DLGAP2: variants seen among roughly 807,000 people sequenced by gnomAD.
DLGAP2 encodes disks large-associated protein 2.
Under a neutral mutation model 100.3 loss-of-function variants are expected in DLGAP2, and 26 were observed. The observed-to-expected ratio is 0.26, with a 90% confidence interval of 0.19 to 0.36. The LOEUF is 0.36. Among genes scored for constraint, DLGAP2 ranks in the 10% least tolerant of loss-of-function variants. DLGAP2 has a pLI of 1.00. For synonymous variants in DLGAP2, 886 were observed against 630.1 expected (o/e 1.41, Z -6.08); for missense variants, 1,858 against 1,453.2 (o/e 1.28, Z -4.53).
At chr8:1,532,895 A>T (rs770014702) in intron 4 of DLGAP2, among the ~76,000 whole-genome samples, 1 of 152,172 alleles carries the variant, frequency 6.6e-6, no homozygotes, top group Non-Finnish European at 1.5e-5. Flanking sequence ...TAAAGTCCTC[A>T]TGAGCGTGGC....
At chr8:1,121,654 T>A (rs1796051361) in intron 2 of DLGAP2, among the ~76,000 whole-genome samples, 1 of 152,094 alleles carries the variant, frequency 6.6e-6, no homozygotes, top group Admixed American at 6.5e-5. Flanking sequence ...TCACCCATCC[T>A]CATGTCTTCA....
At chr8:1,356,572 TG>T (rs1430806658) in intron 3 of DLGAP2, among the ~76,000 whole-genome samples, 7 of 152,186 alleles carry the variant, frequency 4.6e-5, no homozygotes, top group Admixed American at 3.3e-4. Flanking sequence ...AGTTACCCTG[TG>T]GCCCCCCAGG....
intron 1 of DLGAP2, among the ~76,000 whole-genome samples, chr8:826,957 G>C (rs1796695205): frequency 6.6e-6 from 1 of 152,194 alleles, no homozygotes; most frequent in African/African-American, 2.4e-5. Flanking sequence ...AGGTGTTTCA[G>C]AACTACAGAA....
At chr8:825,380 G>A (rs1796667440) in intron 1 of DLGAP2, among the ~76,000 whole-genome samples, 1 of 152,140 alleles carries the variant, frequency 6.6e-6, no homozygotes, top group South Asian at 2.1e-4. Context: ...CTCTGTTGTG[G>A]GCTTTCCTGG....
chr8:1,493,487 C>T (rs1469164056), intron 3 of DLGAP2, among the ~76,000 whole-genome samples: 2 of 152,160 alleles, frequency 1.3e-5, no homozygotes, highest in Non-Finnish European at 2.9e-5. Context: ...AATGAAGCAA[C>T]GGAATGGGAC....
At chr8:941,653 C>G (rs1799198853) in intron 2 of DLGAP2, among the ~76,000 whole-genome samples, 1 of 152,200 alleles carries the variant, frequency 6.6e-6, no homozygotes, top group African/African-American at 2.4e-5. Context: ...CTGCCAGCCA[C>G]AGCGAAAAGC....
chr8:874,897 CAT>C (rs530932697), intron 1 of DLGAP2, among the ~76,000 whole-genome samples: 16 of 152,218 alleles, frequency 1.1e-4, no homozygotes, highest in South Asian at 8.3e-4. Context: ...TGTTAAGGTG[CAT>C]GTGTGTGTAT....
intron 8 of DLGAP2, among the ~76,000 whole-genome samples, chr8:1,651,111 C>G (rs17064159): frequency 0.12 from 17,976 of 152,152 alleles, 1,438 homozygotes; most frequent in African/African-American, 0.23. Context: ...TACCATCCAG[C>G]GTCCACATTC....
At chr8:1,500,845 G>T (rs1368159980) in intron 3 of DLGAP2, among the ~76,000 whole-genome samples, 1 of 152,262 alleles carries the variant, frequency 6.6e-6, no homozygotes, top group Non-Finnish European at 1.5e-5. Flanking sequence ...TTTGGTCAAA[G>T]TGGACCTAAT....
At chr8:1,213,752 G>C (rs1207739260) in intron 2 of DLGAP2, among the ~76,000 whole-genome samples, 1 of 152,200 alleles carries the variant, frequency 6.6e-6, no homozygotes, top group Non-Finnish European at 1.5e-5. Context: ...TTTCCATGAA[G>C]TGCTTTCTGG....
At chr8:1,103,775 C>T (rs1197013506) in intron 2 of DLGAP2, among the ~76,000 whole-genome samples, 3 of 149,820 alleles carry the variant, frequency 2.0e-5, no homozygotes, top group Admixed American at 6.6e-5. Context: ...CCTTGGTTGA[C>T]GGTGATGACT....
At chr8:985,460 C>G (rs1010215181) in intron 2 of DLGAP2, among the ~76,000 whole-genome samples, 1 of 152,224 alleles carries the variant, frequency 6.6e-6, no homozygotes, top group East Asian at 1.9e-4. Flanking sequence ...CATCCATGTG[C>G]CAGCACATCC....
chr8:904,381 G>A (rs1798331263), intron 1 of DLGAP2, among the ~76,000 whole-genome samples: 1 of 152,266 alleles, frequency 6.6e-6, no homozygotes, highest in Middle Eastern at 3.4e-3. Context: ...TTAGCCAGGC[G>A]TGGTGGCAGG....
intron 2 of DLGAP2, among the ~76,000 whole-genome samples, chr8:1,193,896 C>A (rs985270020): frequency 6.6e-6 from 1 of 152,126 alleles, no homozygotes; most frequent in Non-Finnish European, 1.5e-5. Flanking sequence ...CGCCTCCTGT[C>A]CCCAGCCAGG....
intron 2 of DLGAP2, among the ~76,000 whole-genome samples, chr8:1,230,320 T>C (rs927624888): frequency 1.3e-5 from 2 of 152,244 alleles, no homozygotes; most frequent in South Asian, 2.1e-4. Context: ...GTGAAAGATA[T>C]CTACACGGAG....
chr8:783,821 T>C (rs184992143), intron 1 of DLGAP2, among the ~76,000 whole-genome samples: 24 of 152,282 alleles, frequency 1.6e-4, no homozygotes, highest in African/African-American at 5.5e-4. Flanking sequence ...GGGGTATCTG[T>C]CTCACTGCTG....
chr8:1,469,402 C>G (rs889222789), intron 3 of DLGAP2, among the ~76,000 whole-genome samples: 1 of 152,234 alleles, frequency 6.6e-6, no homozygotes, highest in Non-Finnish European at 1.5e-5. Context: ...CCACCATCTC[C>G]TCAGGAGACC....
intron 3 of DLGAP2, among the ~76,000 whole-genome samples, chr8:1,388,045 G>C (rs962025956): frequency 5.9e-5 from 9 of 152,266 alleles, no homozygotes; most frequent in Non-Finnish European, 1.2e-4. Context: ...CAGCCAGTGC[G>C]TGCGGGCTGG....
intron 6 of DLGAP2, among the ~76,000 whole-genome samples, chr8:1,571,267 G>A (rs1170552405): frequency 6.9e-6 from 1 of 145,464 alleles, no homozygotes; most frequent in African/African-American, 2.6e-5. Context: ...TGAACTGGAG[G>A]GGTGTCTTCT....
Sources: gnomAD v4.1 joint callset for allele counts (sites outside exome capture counted in the v4.1 genomes callset) on GRCh38, gnomAD v4.1.1 for gene constraint, MANE v1.5 for transcripts, NCBI Gene and HGNC (gene_info 2026-07-23, HGNC 2026-07-21) for gene names.